The following DOK5 variants were observed in gnomAD, a reference collection of about 807,000 sequenced individuals.
The protein encoded by DOK5 is downstream of tyrosine kinase 5.
In DOK5, 27 loss-of-function variants were observed where a neutral mutation model predicts 43.3. That is an observed-to-expected ratio of 0.62 (90% CI 0.46 to 0.86). The LOEUF (loss-of-function observed/expected upper bound fraction) is 0.86. Among genes scored for constraint, DOK5 ranks in the 40% least tolerant of loss-of-function variants. The pLI is 0.00. For missense variants in DOK5, 373 were observed against 392.9 expected, an observed-to-expected ratio of 0.95 and a Z score of 0.43; for synonymous variants, 146 against 140.1, an observed-to-expected ratio of 1.04 and a Z score of -0.30.
chr20:54,533,935 C>T (rs979480293), intron 1 of DOK5, among the ~76,000 whole-genome samples: 4 of 152,124 alleles, frequency 2.6e-5, no homozygotes, highest in Non-Finnish European at 5.9e-5. Flanking sequence ...TATTTATAGA[C>T]AGCAACCATA....
chr20:54,584,764 T>C (rs1368678426), intron 2 of DOK5, among the ~76,000 whole-genome samples: 1 of 139,234 alleles, frequency 7.2e-6, no homozygotes, highest in Non-Finnish European at 1.5e-5. Flanking sequence ...TGTGTATATA[T>C]ATCTAGATAT....
intron 5 of DOK5, among the ~76,000 whole-genome samples, chr20:54,593,526 C>A (rs943852029): frequency 2.0e-5 from 3 of 152,082 alleles, no homozygotes; most frequent in African/African-American, 7.2e-5. Flanking sequence ...CTTATTTATT[C>A]TTCTTATAAG....
intron 6 of DOK5, among the ~76,000 whole-genome samples, chr20:54,625,609 G>A (rs146576317): frequency 2.0e-5 from 3 of 152,192 alleles, no homozygotes; most frequent in Non-Finnish European, 4.4e-5. Flanking sequence ...CAGGGTCCTC[G>A]GGCTACTAAC....
At chr20:54,485,404 T>C (rs899111469) in intron 1 of DOK5, among the ~76,000 whole-genome samples, 1 of 151,122 alleles carries the variant, frequency 6.6e-6, no homozygotes, top group African/African-American at 2.4e-5. Flanking sequence ...CAGTATGTAA[T>C]GTTTGGGGAT....
At chr20:54,521,767 C>T (rs1164019332) in intron 1 of DOK5, among the ~76,000 whole-genome samples, 1 of 152,144 alleles carries the variant, frequency 6.6e-6, no homozygotes, top group Non-Finnish European at 1.5e-5. Flanking sequence ...AGTTCCAACT[C>T]TCCAATCACA....
At chr20:54,530,223 C>G (rs1041964927) in intron 1 of DOK5, among the ~76,000 whole-genome samples, 3 of 152,162 alleles carry the variant, frequency 2.0e-5, no homozygotes, top group Admixed American at 2.0e-4. Flanking sequence ...TCCTTTTTTA[C>G]TATGTGGCTA....
At chr20:54,522,814 C>A (rs1600678754) in intron 1 of DOK5, among the ~76,000 whole-genome samples, 1 of 151,982 alleles carries the variant, frequency 6.6e-6, no homozygotes, top group Non-Finnish European at 1.5e-5. Flanking sequence ...CGCGCCTGGC[C>A]CAAAGTTGTT....
chr20:54,569,932 T>A (rs1454412945), intron 2 of DOK5, among the ~76,000 whole-genome samples: 2 of 152,188 alleles, frequency 1.3e-5, no homozygotes, highest in Non-Finnish European at 2.9e-5. Flanking sequence ...CTAGACTGGT[T>A]CTTTCTTAAG....
intron 6 of DOK5, 67 bp downstream of exon 6, chr20:54,610,590 G>T: frequency 7.4e-7 from 1 of 1,351,192 alleles, no homozygotes; most frequent in Non-Finnish European, 9.6e-7. Flanking sequence ...GGTCATTTTT[G>T]TGCTGGAAAA....
intron 6 of DOK5, among the ~76,000 whole-genome samples, chr20:54,638,510 T>C (rs965284422): frequency 3.3e-5 from 5 of 152,180 alleles, no homozygotes; most frequent in African/African-American, 1.2e-4. Context: ...TGAGGATATA[T>C]AGTCCCTTGA....
At chr20:54,503,163 C>A (rs1036317156) in intron 1 of DOK5, among the ~76,000 whole-genome samples, 1 of 152,132 alleles carries the variant, frequency 6.6e-6, no homozygotes, top group Non-Finnish European at 1.5e-5. Flanking sequence ...AGGTGGAAAG[C>A]AGGCTAATTA....
At chr20:54,645,153 T>C (rs960573849) in intron 7 of DOK5, among the ~76,000 whole-genome samples, 1 of 151,866 alleles carries the variant, frequency 6.6e-6, no homozygotes, top group Non-Finnish European at 1.5e-5. Flanking sequence ...TAGAGTGCAC[T>C]GGACTACACG....
intron 1 of DOK5, among the ~76,000 whole-genome samples, chr20:54,496,707 A>G (rs531528753): frequency 2.0e-4 from 29 of 144,296 alleles, no homozygotes; most frequent in Non-Finnish European, 3.9e-4. Context: ...TGGAGCTTGC[A>G]GTGAGCCGAG....
At chr20:54,552,691 T>C (rs1984571359) in intron 1 of DOK5, among the ~76,000 whole-genome samples, 1 of 152,198 alleles carries the variant, frequency 6.6e-6, no homozygotes, top group Non-Finnish European at 1.5e-5. Flanking sequence ...AATCCCTGAC[T>C]TTTTTATTGT....
At chr20:54,500,753 G>T (rs6091900) in intron 1 of DOK5, among the ~76,000 whole-genome samples, 10,886 of 151,780 alleles carry the variant, frequency 0.072, 1,348 homozygotes, top group African/African-American at 0.25. Context: ...TAGTAATGGG[G>T]TTTCTCCATG....
intron 1 of DOK5, among the ~76,000 whole-genome samples, chr20:54,523,383 A>G (rs1983477780): frequency 6.6e-6 from 1 of 152,080 alleles, no homozygotes; most frequent in Non-Finnish European, 1.5e-5. Flanking sequence ...CCTGACCAAC[A>G]TGGTGAACCC....
chr20:54,577,934 G>C (rs1985504619), intron 2 of DOK5, among the ~76,000 whole-genome samples: 1 of 152,190 alleles, frequency 6.6e-6, no homozygotes, highest in Non-Finnish European at 1.5e-5. Flanking sequence ...ACAGTTGCAA[G>C]GGCTGAGAGG....
At chr20:54,509,411 C>T in intron 1 of DOK5, among the ~76,000 whole-genome samples, 1 of 152,076 alleles carries the variant, frequency 6.6e-6, no homozygotes, top group Non-Finnish European at 1.5e-5. Context: ...CCAGGTTGGT[C>T]TTGAACACCT....
At chr20:54,526,356 C>A (rs16999736) in intron 1 of DOK5, among the ~76,000 whole-genome samples, 10,175 of 152,106 alleles carry the variant, frequency 0.067, 470 homozygotes, top group African/African-American at 0.12. Context: ...GCGCCAGGAT[C>A]CATGGAGTTT....
Sources: gnomAD v4.1 joint callset for allele counts (sites outside exome capture counted in the v4.1 genomes callset) on GRCh38, gnomAD v4.1.1 for gene constraint, MANE v1.5 for transcripts, NCBI Gene and HGNC (gene_info 2026-07-23, HGNC 2026-07-21) for gene names.